Variants in DOCK4 observed in about 807,000 individuals in gnomAD.
DOCK4 encodes the protein dedicator of cytokinesis 4, also known as dedicator of cytokinesis protein 4.
Under a neutral mutation model 268.1 loss-of-function variants are expected in DOCK4, and 97 were observed. The ratio of observed to expected loss-of-function variants is 0.36; its 90% CI spans 0.31 to 0.43. The LOEUF is 0.43. Among genes scored for constraint, DOCK4 ranks in the 20% least tolerant of loss-of-function variants. DOCK4 has a pLI of 1.00. For missense variants in DOCK4, 2,145 were observed against 2,455.7 expected (o/e 0.87, Z 2.67); for synonymous variants, 954 against 887.2 (o/e 1.08, Z -1.34).
chr7:112,010,591 G>A (rs956497405), intron 1 of DOCK4, among the ~76,000 whole-genome samples: 1 of 152,106 alleles, frequency 6.6e-6, no homozygotes, highest in Non-Finnish European at 1.5e-5. Flanking sequence ...CTGATCCTCA[G>A]ACCTGCCACA....
At chr7:112,177,129 T>C (rs945171332) in intron 1 of DOCK4, among the ~76,000 whole-genome samples, 6 of 152,214 alleles carry the variant, frequency 3.9e-5, no homozygotes, top group Non-Finnish European at 7.3e-5. Flanking sequence ...GAAATCTATA[T>C]GATCCTCGCA....
At chr7:111,775,381 T>G (rs1281489776) in intron 36 of DOCK4, among the ~76,000 whole-genome samples, 2 of 152,190 alleles carry the variant, frequency 1.3e-5, no homozygotes, top group Non-Finnish European at 2.9e-5. Flanking sequence ...ATTAAAGGGT[T>G]CTGCTTAAGA....
intron 23 of DOCK4, among the ~76,000 whole-genome samples, chr7:111,859,717 G>A (rs944501997): frequency 3.3e-5 from 5 of 151,386 alleles, no homozygotes; most frequent in East Asian, 1.9e-4. Flanking sequence ...ACAGGCGCCC[G>A]CCACTACGCC....
At chr7:112,177,185 G>A (rs1460675252) in intron 1 of DOCK4, among the ~76,000 whole-genome samples, 2 of 152,184 alleles carry the variant, frequency 1.3e-5, no homozygotes, top group South Asian at 2.1e-4. Context: ...CTAGGCTGAG[G>A]TATTTGTTAA....
chr7:112,050,059 G>A (rs949537522), intron 1 of DOCK4, among the ~76,000 whole-genome samples: 1 of 152,140 alleles, frequency 6.6e-6, no homozygotes, highest in African/African-American at 2.4e-5. Flanking sequence ...TCAACACCTA[G>A]CATGATGTCT....
At chr7:112,162,274 C>T (rs1252680596) in intron 1 of DOCK4, among the ~76,000 whole-genome samples, 1 of 152,050 alleles carries the variant, frequency 6.6e-6, no homozygotes, top group Non-Finnish European at 1.5e-5. Context: ...GCACTCCTCC[C>T]CTGCAGAGCC....
At chr7:111,842,246 C>A (rs907610459) in intron 25 of DOCK4, among the ~76,000 whole-genome samples, 8 of 152,162 alleles carry the variant, frequency 5.3e-5, no homozygotes, top group African/African-American at 1.9e-4. Context: ...TGAGCAAGGG[C>A]ACGGTGTAGA....
chr7:111,786,843 C>T (rs775203069), intron 32 of DOCK4, among the ~76,000 whole-genome samples: 4 of 152,116 alleles, frequency 2.6e-5, no homozygotes, highest in Non-Finnish European at 4.4e-5. Flanking sequence ...ATATTTACGC[C>T]TTCTTTCTTG....
At chr7:111,909,234 T>C (rs1255312639) in intron 13 of DOCK4, among the ~76,000 whole-genome samples, 1 of 152,208 alleles carries the variant, frequency 6.6e-6, no homozygotes, top group Non-Finnish European at 1.5e-5. Context: ...TATCTCATTG[T>C]GGTTTTGATT....
intron 30 of DOCK4, among the ~76,000 whole-genome samples, chr7:111,804,002 T>A (rs560652919): frequency 9.2e-5 from 14 of 152,340 alleles, no homozygotes; most frequent in Non-Finnish European, 1.3e-4. Flanking sequence ...TTGGTGAGAA[T>A]GTAAAATGTT....
At chr7:112,069,456 T>A (rs928552244) in intron 1 of DOCK4, among the ~76,000 whole-genome samples, 40 of 152,314 alleles carry the variant, frequency 2.6e-4, no homozygotes, top group African/African-American at 8.7e-4. Flanking sequence ...TGAATCTCAA[T>A]TCTACCTCTT....
chr7:112,071,428 G>A (rs1807573674), intron 1 of DOCK4, among the ~76,000 whole-genome samples: 1 of 152,060 alleles, frequency 6.6e-6, no homozygotes, highest in Non-Finnish European at 1.5e-5. Context: ...AGAAACAAAG[G>A]GAATTCCTCA....
chr7:112,189,552 A>G (rs954604362), intron 1 of DOCK4, among the ~76,000 whole-genome samples: 1 of 152,184 alleles, frequency 6.6e-6, no homozygotes. Flanking sequence ...ATTTATACCT[A>G]CACACACTGA....
At chr7:111,874,504 C>T (rs1449088501) in intron 17 of DOCK4, among the ~76,000 whole-genome samples, 7 of 152,128 alleles carry the variant, frequency 4.6e-5, no homozygotes, top group African/African-American at 1.7e-4. Flanking sequence ...TGGAAAAGCC[C>T]AGTAGTTATG....
At chr7:111,860,457 G>T (rs1464871155) in intron 23 of DOCK4, among the ~76,000 whole-genome samples, 1 of 152,198 alleles carries the variant, frequency 6.6e-6, no homozygotes, top group Non-Finnish European at 1.5e-5. Context: ...ACATCCTGCT[G>T]CGGCAGTGAC....
At chr7:112,109,781 G>GTCTGGAC (rs11271501) in intron 1 of DOCK4, among the ~76,000 whole-genome samples, 8,357 of 131,206 alleles carry the variant, frequency 0.064, 825 homozygotes, top group African/African-American at 0.22. Flanking sequence ...GTCTCGCTCT[G>GTCTGGAC]TCGCCCAGGC....
chr7:112,128,342 G>C (rs1023160257), intron 1 of DOCK4, among the ~76,000 whole-genome samples: 1 of 151,658 alleles, frequency 6.6e-6, no homozygotes, highest in Non-Finnish European at 1.5e-5. Context: ...GGGAGGTGAG[G>C]GGCGCCTCTG....
chr7:111,736,068 G>A (rs746704186), intron 50 of DOCK4, among the ~76,000 whole-genome samples: 2 of 152,174 alleles, frequency 1.3e-5, no homozygotes, highest in African/African-American at 2.4e-5. Context: ...TAACATTAAA[G>A]CTAAATTTGT....
intron 36 of DOCK4, among the ~76,000 whole-genome samples, chr7:111,775,536 CCA>C (rs1435144792): frequency 6.6e-6 from 1 of 152,198 alleles, no homozygotes; most frequent in Non-Finnish European, 1.5e-5. Context: ...AATGACCATA[CCA>C]CAGTTAATTC....
Sources: gnomAD v4.1 joint callset for allele counts (sites outside exome capture counted in the v4.1 genomes callset) on GRCh38, gnomAD v4.1.1 for gene constraint, MANE v1.5 for transcripts, NCBI Gene and HGNC (gene_info 2026-07-23, HGNC 2026-07-21) for gene names.